Variants in LHFPL3 observed in about 807,000 individuals in gnomAD.
LHFPL3 encodes the protein LHFPL tetraspan subfamily member 3 protein.
LHFPL3 carries 5 observed loss-of-function variants against 19.3 expected under a neutral mutation model. That is an observed-to-expected ratio of 0.26 (90% confidence interval 0.14 to 0.54). The LOEUF is 0.54. LHFPL3 is among the 20% of genes least tolerant of loss of function. LHFPL3 has a pLI of 0.94. For synonymous variants in LHFPL3, 133 were observed against 126.2 expected, an observed-to-expected ratio of 1.05 and a Z score of -0.36; for missense variants, 249 against 307.4, an observed-to-expected ratio of 0.81 and a Z score of 1.42.
chr7:104,903,896 A>C (rs1456496905), intron 2 of LHFPL3, among the ~76,000 whole-genome samples: 1 of 152,200 alleles, frequency 6.6e-6, no homozygotes, highest in East Asian at 1.9e-4. Context: ...CGAACATATG[A>C]GTGCATGTGT....
intron 1 of LHFPL3, among the ~76,000 whole-genome samples, chr7:104,725,850 T>G (rs770007090): frequency 1.4e-4 from 22 of 152,112 alleles, no homozygotes; most frequent in African/African-American, 5.1e-4. Flanking sequence ...AGGAGTTCAA[T>G]ACCAGCCTGG....
chr7:104,881,091 A>G (rs1442602583), intron 2 of LHFPL3, among the ~76,000 whole-genome samples: 1 of 150,848 alleles, frequency 6.6e-6, no homozygotes, highest in Non-Finnish European at 1.5e-5. Context: ...AATGGCGTGA[A>G]CCTGGGAGGC....
At chr7:104,690,646 G>T (rs963951844) in intron 1 of LHFPL3, among the ~76,000 whole-genome samples, 5 of 152,212 alleles carry the variant, frequency 3.3e-5, no homozygotes, top group African/African-American at 1.2e-4. Context: ...ATGGCATGGG[G>T]CCTGTCAAGG....
intron 1 of LHFPL3, among the ~76,000 whole-genome samples, chr7:104,543,449 A>G (rs569004589): frequency 6.6e-6 from 1 of 152,100 alleles, no homozygotes; most frequent in Admixed American, 6.5e-5. Flanking sequence ...ATGCTGCTAT[A>G]AAGACACATG....
At chr7:104,706,631 C>T (rs1793195172) in intron 1 of LHFPL3, among the ~76,000 whole-genome samples, 1 of 152,222 alleles carries the variant, frequency 6.6e-6, no homozygotes, top group South Asian at 2.1e-4. Flanking sequence ...AGTATCAGAA[C>T]TTACTGCAGT....
intron 1 of LHFPL3, among the ~76,000 whole-genome samples, chr7:104,658,659 G>T (rs1308720465): frequency 6.6e-6 from 1 of 152,200 alleles, no homozygotes; most frequent in Non-Finnish European, 1.5e-5. Flanking sequence ...CTAGCTGGGT[G>T]GGCGCCTATA....
chr7:104,651,983 G>A (rs192916868), intron 1 of LHFPL3, among the ~76,000 whole-genome samples: 4 of 152,182 alleles, frequency 2.6e-5, no homozygotes, highest in East Asian at 3.8e-4. Context: ...CCTTATCTAC[G>A]TCCCCCATAT....
chr7:104,440,600 C>T (rs1226467163), intron 1 of LHFPL3, among the ~76,000 whole-genome samples: 2 of 151,952 alleles, frequency 1.3e-5, no homozygotes, highest in African/African-American at 4.8e-5. Flanking sequence ...AAGCTATAAA[C>T]TCATCATACA....
intron 1 of LHFPL3, among the ~76,000 whole-genome samples, chr7:104,355,426 A>G (rs1790254636): frequency 6.6e-6 from 1 of 152,240 alleles, no homozygotes; most frequent in South Asian, 2.1e-4. Context: ...TGCCCAGATG[A>G]ATTTTAGTCC....
intron 1 of LHFPL3, among the ~76,000 whole-genome samples, chr7:104,415,483 C>T (rs529653940): frequency 1.3e-5 from 2 of 152,188 alleles, no homozygotes; most frequent in South Asian, 4.2e-4. Context: ...CCCATCCCTT[C>T]TGTAATTTTT....
At chr7:104,724,356 G>A (rs532399040) in intron 1 of LHFPL3, among the ~76,000 whole-genome samples, 6 of 151,372 alleles carry the variant, frequency 4.0e-5, no homozygotes, top group Non-Finnish European at 5.9e-5. Flanking sequence ...GGAGGAGTTC[G>A]GATAGGAGGA....
At chr7:104,396,396 AGC>A (rs1425842335) in intron 1 of LHFPL3, among the ~76,000 whole-genome samples, 2 of 152,154 alleles carry the variant, frequency 1.3e-5, no homozygotes, top group African/African-American at 4.8e-5. Context: ...AGGTCTCCAG[AGC>A]AGCGGCTATG....
At chr7:104,432,056 A>G (rs879456411) in intron 1 of LHFPL3, among the ~76,000 whole-genome samples, 1 of 152,064 alleles carries the variant, frequency 6.6e-6, no homozygotes, top group African/African-American at 2.4e-5. Flanking sequence ...GGTTTCTGTG[A>G]TTTTCCAAGG....
In LHFPL3 at chr7:104,562,614, G is replaced by A. The variant is rs10259322; in HGVS notation, c.446-174061G>A. On this transcript the variant is annotated intron_variant, in intron 1 of 2. Coordinates refer to ENST00000424859, the MANE Select transcript of LHFPL3 (RefSeq NM_199000.3). ...TTTTTTTCAAGTTTTCAACTTCTTT[G>A]CCTTTGGTTTGAATGTCCTCCCATA... Among the ~76,000 whole-genome samples the A allele has an allele frequency of 6.5e-4, 98 of 151,774 alleles. 1 individual carries two copies. The highest frequency in any genetic ancestry group is 2.3e-3 in the African/African-American group (93 of 41,182).
At chr7:104,902,065 T>G (rs750528615) in intron 2 of LHFPL3, among the ~76,000 whole-genome samples, 1 of 151,794 alleles carries the variant, frequency 6.6e-6, no homozygotes, top group Non-Finnish European at 1.5e-5. Context: ...AGTCCCAGAG[T>G]TGACAATACT....
At chr7:104,332,251 A>G (rs1205389374) in intron 1 of LHFPL3, among the ~76,000 whole-genome samples, 2 of 89,200 alleles carry the variant, frequency 2.2e-5, no homozygotes, top group East Asian at 3.9e-4. Flanking sequence ...TTTTTTTGAG[A>G]TGGAGTCTCG....
At chr7:104,528,205 T>G (rs1219421121) in intron 1 of LHFPL3, among the ~76,000 whole-genome samples, 2 of 152,210 alleles carry the variant, frequency 1.3e-5, no homozygotes, top group Non-Finnish European at 2.9e-5. Flanking sequence ...TTGTTTTCCT[T>G]TTGGGTATAA....
intron 2 of LHFPL3, among the ~76,000 whole-genome samples, chr7:104,816,470 C>A (rs1464320772): frequency 6.6e-6 from 1 of 152,156 alleles, no homozygotes; most frequent in Non-Finnish European, 1.5e-5. Context: ...GTGAGCTCTA[C>A]CTTGAACCCA....
At chr7:104,753,809 G>C (rs1478875674) in intron 2 of LHFPL3, among the ~76,000 whole-genome samples, 1 of 152,144 alleles carries the variant, frequency 6.6e-6, no homozygotes, top group African/African-American at 2.4e-5. Context: ...CCAAATAATT[G>C]GTAATTAGGT....
Sources: gnomAD v4.1 joint callset for allele counts (sites outside exome capture counted in the v4.1 genomes callset) on GRCh38, gnomAD v4.1.1 for gene constraint, MANE v1.5 for transcripts, NCBI Gene and HGNC (gene_info 2026-07-23, HGNC 2026-07-21) for gene names.